Variants in TTC21B observed in about 807,000 individuals in gnomAD.
The protein encoded by TTC21B is tetratricopeptide repeat domain 21B.
A neutral mutation model predicts 175.1 loss-of-function variants in TTC21B; 127 were observed. That is an observed-to-expected ratio of 0.73 (90% CI 0.63 to 0.84). The LOEUF is 0.84. Ranked by LOEUF, TTC21B falls within the 40% of genes least tolerant of loss-of-function variation. TTC21B has a pLI of 0.00. For missense variants in TTC21B, 1,561 were observed against 1,558.3 expected, an observed-to-expected ratio of 1.00 and a Z score of -0.03; for synonymous variants, 524 against 524.5, an observed-to-expected ratio of 1.00 and a Z score of 0.01.
At chr2:165,932,931 A>G (rs372540452) in intron 7 of TTC21B, 42 bp downstream of exon 7, 32 of 1,539,286 alleles carry the variant, frequency 2.1e-5, no homozygotes, top group Middle Eastern at 1.7e-4. Flanking sequence ...AATGAAATAT[A>G]TTTTTTAATA....
In TTC21B at chr2:165,890,847, A is replaced by T; in HGVS notation, c.3092T>A (p.Leu1031Gln). The stretch of plus-strand genomic sequence containing the variant: ...TTGTAAATAGATTTACCAAAGATAC[A>T]GTCCTTTACAATACTGAAATCCTGG... ...LEPGFQYCKGLYLWYTGEPND... is the reference protein window; with the variant it reads ...LEPGFQYCKGQYLWYTGEPND... Residue 1031 changes from leucine to glutamine, a missense_variant, in exon 23 of 29, where the codon CTG (leucine) becomes CAG (glutamine). Coordinates refer to ENST00000243344, the MANE Select transcript of TTC21B (RefSeq NM_024753.5). The T allele has an allele frequency of 6.2e-7, 1 of 1,613,224 alleles. No individual in the cohort carries two copies. The highest frequency in any genetic ancestry group is 8.5e-7 in the Non-Finnish European group (1 of 1,179,464).
At chr2:165,933,093 T>C (rs1224565043) in intron 6 of TTC21B, 36 bp from the exon 7 acceptor site, 2 of 1,581,642 alleles carry the variant, frequency 1.3e-6, no homozygotes, top group East Asian at 2.3e-5. Flanking sequence ...TCAAAATAAA[T>C]TTATATATTT....
At chr2:165,907,580 G>C in intron 19 of TTC21B, 98 bp downstream of exon 19, 1 of 776,630 alleles carries the variant, frequency 1.3e-6, no homozygotes, top group Non-Finnish European at 2.2e-6. Flanking sequence ...TTCTGTAGCT[G>C]TTTGGCCAAA....
chr2:165,946,945 T>C (rs933572943), intron 3 of TTC21B, among the ~76,000 whole-genome samples: 44 of 151,962 alleles, frequency 2.9e-4, no homozygotes, highest in African/African-American at 1.1e-3. Flanking sequence ...AAATGTATAA[T>C]GGTTCTAACC....
chr2:165,914,657 CTGTGTGTGTGTG>C lies in TTC21B; in HGVS notation c.2138+532_2138+543del, dbSNP rs551411661. Among the ~76,000 whole-genome samples, 285 of 118,170 alleles carry C rather than the reference CTGTGTGTGTGTG, an allele frequency of 2.4e-3. 1 individual carries two copies. Among genetic ancestry groups the C allele is most frequent in the African/African-American group, 0.012 (279 of 23,398 alleles). The allele number at this position is 118,170 out of a possible 152,430, so 77.5% of individuals were successfully genotyped here. The stretch of plus-strand genomic sequence containing the variant: ...GTTTGGGGAGAAGAGGAAGAGCAAT[CTGTGTGTGTGTG>C]TGTGTGTGTGTGTGTGTGTGTGTGT... On this transcript the variant is annotated intron_variant, in intron 15 of 28. Coordinates refer to ENST00000243344, the MANE Select transcript of TTC21B (RefSeq NM_024753.5).
chr2:165,949,198 C>T (rs968080490), intron 3 of TTC21B, 196 bp downstream of exon 3: 1 of 592,712 alleles, frequency 1.7e-6, no homozygotes, highest in African/African-American at 1.9e-5. Flanking sequence ...ATATAAGGAA[C>T]ACGAAAATAG....
At chr2:165,929,914 A>C (rs1215913253) in intron 9 of TTC21B, among the ~76,000 whole-genome samples, 167 bp from the exon 10 acceptor site, 1 of 152,068 alleles carries the variant, frequency 6.6e-6, no homozygotes, top group Admixed American at 6.6e-5. Flanking sequence ...AAGAAAATAA[A>C]ATGGGTAGCC....
chr2:165,931,564 C>T (rs1686907834), intron 8 of TTC21B, among the ~76,000 whole-genome samples, 194 bp downstream of exon 8: 1 of 152,142 alleles, frequency 6.6e-6, no homozygotes, highest in Non-Finnish European at 1.5e-5. Context: ...GGCATTTCCT[C>T]CATGAAGCCT....
chr2:165,890,732 A>G, intron 23 of TTC21B, 92 bp from the exon 24 acceptor site: 1 of 1,540,590 alleles, frequency 6.5e-7, no homozygotes, highest in Non-Finnish European at 8.9e-7. Context: ...AAACTGTTGA[A>G]TTATTTTGAA....
intron 20 of TTC21B, 122 bp from the exon 21 acceptor site, chr2:165,900,002 A>G (rs1421015086): frequency 3.8e-6 from 2 of 533,036 alleles, no homozygotes; most frequent in Non-Finnish European, 6.7e-6. Context: ...TGCCAAGTAT[A>G]ATAGACAAAA....
At position 165,930,297 on chromosome 2, in the gene TTC21B, G is replaced by A; in HGVS notation, c.962C>T (p.Pro321Leu). The A allele has an allele frequency of 6.2e-7, 1 of 1,613,008 alleles. No homozygotes were observed. Among genetic ancestry groups the A allele is most frequent in the Non-Finnish European group, 8.5e-7 (1 of 1,179,398 alleles). Residue 321 changes from proline to leucine, a missense_variant, in exon 9 of 29, where the codon CCT becomes CTT. Pro to Leu is a moderately conservative substitution (Grantham distance 98, BLOSUM62 -3). Transcript: ENST00000243344. Reference protein sequence around the residue: ...TLLERAFSLNPQQSEFATELG... With the variant: ...TLLERAFSLNLQQSEFATELG... ...TTCTGTAGCAAATTCTGATTGCTGA[G>A]GGTTTAAACTAAAAGCTCTCTCAAG...
chr2:165,949,768 C>T (rs1687704894), intron 1 of TTC21B, 44 bp from the exon 2 acceptor site: 29 of 1,551,828 alleles, frequency 1.9e-5, no homozygotes, highest in Non-Finnish European at 2.6e-5. Flanking sequence ...AATTCTGGTG[C>T]TCTGAAATAC....
chr2:165,887,413 G>GA (rs11372964), intron 25 of TTC21B, among the ~76,000 whole-genome samples: 152,203 of 152,206 alleles, frequency 1, 76,100 homozygotes, highest in Middle Eastern at 1. Context: ...GTGAGGGAAG[G>GA]AAAACAGTAT....
At position 165,932,976 on chromosome 2, in the gene TTC21B, C is replaced by T. The variant is rs1226147886; in HGVS notation, c.792G>A (p.Glu264=). 1 of 1,612,324 alleles carries T rather than the reference C, an allele frequency of 6.2e-7. No homozygotes were observed. Among genetic ancestry groups the T allele is most frequent in the African/African-American group, 1.3e-5 (1 of 74,888 alleles). The change falls in exon 7 of 29, where the codon GAG becomes GAA. Residue 264 remains glutamate, a synonymous_variant. Coordinates refer to ENST00000243344, the MANE Select transcript of TTC21B (RefSeq NM_024753.5). ...LYYVCREGDI[E]KASTKLENLG... ...TAAATAATACAATGCCACTTACCTTCTCTATATCCCCCTCTCTACACACAT... is the reference window on the plus strand; with the variant it reads ...TAAATAATACAATGCCACTTACCTTTTCTATATCCCCCTCTCTACACACAT...
intron 27 of TTC21B, among the ~76,000 whole-genome samples, chr2:165,878,751 G>A (rs1436658125): frequency 2.1e-5 from 3 of 145,560 alleles, no homozygotes; most frequent in African/African-American, 7.7e-5. Context: ...GTGTGATCTC[G>A]GCTCACTGCA....
intron 25 of TTC21B, among the ~76,000 whole-genome samples, chr2:165,885,171 G>T (rs755152654): frequency 6.6e-6 from 1 of 151,724 alleles, no homozygotes; most frequent in Non-Finnish European, 1.5e-5. Flanking sequence ...AAAAACAAAG[G>T]GTAAGAAATT....
chr2:165,911,867 G>C (rs368132568), intron 17 of TTC21B, among the ~76,000 whole-genome samples: 1 of 152,204 alleles, frequency 6.6e-6, no homozygotes, highest in South Asian at 2.1e-4. Flanking sequence ...GTTTCACCAT[G>C]TTGGCCAGGC....
chr2:165,921,928 C>G (rs905770709), intron 12 of TTC21B, among the ~76,000 whole-genome samples: 10 of 151,722 alleles, frequency 6.6e-5, no homozygotes, highest in African/African-American at 2.4e-4. Flanking sequence ...ACTCATCACC[C>G]AAGCACTGTA....
At position 165,953,684 on chromosome 2, in the gene TTC21B, C is replaced by CCCGCT; in HGVS notation, c.21_21+1insAGCGG (p.Thr8SerfsTer4). 1 of 1,548,802 alleles carries CCCGCT rather than the reference C, an allele frequency of 6.5e-7. No homozygotes were observed. The highest frequency in any genetic ancestry group is 8.7e-7 in the Non-Finnish European group (1 of 1,146,502). ...ACCCGCTCACCCGCTCACCCGCTCA[C>CCCGCT]CTTCAATTCCTGCGAGTCCATGGCT... On this transcript the variant is annotated frameshift_variant and splice_region_variant. Coordinates refer to ENST00000243344, the MANE Select transcript of TTC21B (RefSeq NM_024753.5). LOFTEE classifies it high-confidence loss of function.
Sources: gnomAD v4.1 joint callset for allele counts (sites outside exome capture counted in the v4.1 genomes callset) on GRCh38, gnomAD v4.1.1 for gene constraint, MANE v1.5 for transcripts, NCBI Gene and HGNC (gene_info 2026-07-23, HGNC 2026-07-21) for gene names.